GPHN: variants seen among roughly 807,000 people sequenced by gnomAD.
GPHN encodes the protein gephyrin.
A neutral mutation model predicts 95.5 loss-of-function variants in GPHN; 17 were observed. The ratio of observed to expected loss-of-function variants is 0.18; its 90% CI spans 0.12 to 0.27. The LOEUF (loss-of-function observed/expected upper bound fraction) is 0.27. GPHN is among the 10% of genes least tolerant of loss of function. GPHN has a pLI of 1.00. For synonymous variants in GPHN, 320 were observed against 322.5 expected (o/e 0.99, Z 0.08); for missense variants, 660 against 978.1 (o/e 0.67, Z 4.34).
the GPHN span, chr14:67,376,658 T>C: frequency 1.3e-6 from 2 of 1,522,956 alleles, no homozygotes; most frequent in Non-Finnish European, 1.8e-6. Flanking sequence ...TTTAACAGCA[T>C]AGCATCCATG....
chr14:66,548,347 A>T (rs913252184), intron 1 of GPHN, among the ~76,000 whole-genome samples: 1 of 151,840 alleles, frequency 6.6e-6, no homozygotes, highest in Non-Finnish European at 1.5e-5. Flanking sequence ...TGCCTGGCTA[A>T]TTTTTGTATT....
chr14:66,885,991 A>G (rs2064170329), intron 5 of GPHN, among the ~76,000 whole-genome samples: 1 of 152,202 alleles, frequency 6.6e-6, no homozygotes, highest in African/African-American at 2.4e-5. Context: ...TAAATTGACA[A>G]AAATCCATGA....
chr14:66,759,434 C>T (rs1174533348), intron 2 of GPHN, among the ~76,000 whole-genome samples: 1 of 152,162 alleles, frequency 6.6e-6, no homozygotes, highest in Non-Finnish European at 1.5e-5. Context: ...CTAATTGTGT[C>T]CTGTTGCAAA....
At chr14:67,479,713 G>A in the GPHN span, among the ~76,000 whole-genome samples, 19 of 151,890 alleles carry the variant, frequency 1.3e-4, no homozygotes, top group East Asian at 3.9e-4. Context: ...GTGAGACTCC[G>A]TCTCAAAAAA....
rs542604082 is a variant in GPHN at position 66,992,872 on chromosome 14, A to G, written c.963+27547A>G. On this transcript the variant is annotated intron_variant, in intron 9 of 22. Transcript: ENST00000478722. ...AATAATGTTTTATTAAATTATAACC[A>G]TGCTCATTCATTTGCACATAACCTG... Among the ~76,000 whole-genome samples, 4 of 152,302 alleles carry G rather than the reference A, an allele frequency of 2.6e-5. 1 individual carries two copies. The highest frequency in any genetic ancestry group is 9.6e-5 in the African/African-American group (4 of 41,588).
chr14:66,621,583 C>G (rs1428171960), intron 1 of GPHN, among the ~76,000 whole-genome samples: 1 of 149,976 alleles, frequency 6.7e-6, no homozygotes, highest in Non-Finnish European at 1.5e-5. Flanking sequence ...CGCCACCATG[C>G]CCAGCTAATT....
rs78409230 is a variant in GPHN at position 66,994,401 on chromosome 14, C to A, written c.963+29076C>A. Among the ~76,000 whole-genome samples, 1,418 of 151,894 alleles carry A rather than the reference C, an allele frequency of 9.3e-3. 35 individuals are homozygous for A. The highest frequency in any genetic ancestry group is 0.032 in the African/African-American group (1,341 of 41,464). On this transcript the variant is annotated intron_variant, in intron 9 of 22. Transcript: ENST00000478722. ...AAAGAAAAAGAAAAATCTATCTTATCCTGTGCTTTAAACAAAAAAAAAATC... is the reference window on the plus strand; with the variant it reads ...AAAGAAAAAGAAAAATCTATCTTATACTGTGCTTTAAACAAAAAAAAAATC...
chr14:67,690,520 A>G, the GPHN span: 1 of 958,680 alleles, frequency 1.0e-6, no homozygotes, highest in Non-Finnish European at 1.6e-6. Flanking sequence ...ATAATTCAGA[A>G]ATAAGGTCTT....
At chr14:67,221,821 T>TAAGTTAAGA in the GPHN span, 1 of 1,612,506 alleles carries the variant, frequency 6.2e-7, no homozygotes, top group African/African-American at 1.3e-5. Flanking sequence ...TGGAACAAAT[T>TAAGTTAAGA]CCACTACATG....
chr14:66,731,825 G>A (rs897382676), intron 2 of GPHN, among the ~76,000 whole-genome samples: 3 of 152,186 alleles, frequency 2.0e-5, no homozygotes, highest in Non-Finnish European at 4.4e-5. Context: ...GGTTTCGTGG[G>A]CTGGGCCCTG....
chr14:67,568,216 T>C, the GPHN span, among the ~76,000 whole-genome samples: 1 of 152,098 alleles, frequency 6.6e-6, no homozygotes, highest in Non-Finnish European at 1.5e-5. Flanking sequence ...AATGGTAGAC[T>C]GGATAAAGAA....
chr14:67,086,467 C>T (rs1211418220), intron 11 of GPHN, among the ~76,000 whole-genome samples: 13 of 151,370 alleles, frequency 8.6e-5, no homozygotes, highest in South Asian at 8.4e-4. Context: ...CTGGCTAACA[C>T]GGTGAAACCC....
chr14:66,569,690 CA>C (rs1307410874), intron 1 of GPHN, among the ~76,000 whole-genome samples: 1 of 150,116 alleles, frequency 6.7e-6, no homozygotes, highest in Non-Finnish European at 1.5e-5. Context: ...TTTTGTTTGA[CA>C]AAATTGTGTA....
chr14:67,003,718 AGT>A (rs2072405373), intron 9 of GPHN, among the ~76,000 whole-genome samples: 1 of 151,702 alleles, frequency 6.6e-6, no homozygotes, highest in Admixed American at 6.6e-5. Flanking sequence ...AACTTTATAT[AGT>A]GTGATATTAT....
chr14:66,942,377 G>A (rs1370195611), intron 8 of GPHN, among the ~76,000 whole-genome samples: 1 of 152,124 alleles, frequency 6.6e-6, no homozygotes. Flanking sequence ...AGTCCTGTAC[G>A]TTTTTCCTTT....
intron 17 of GPHN, among the ~76,000 whole-genome samples, chr14:67,125,702 G>A (rs2153694183): frequency 6.6e-6 from 1 of 152,142 alleles, no homozygotes; most frequent in Admixed American, 6.5e-5. Context: ...GCTTGAATGT[G>A]GGAGGTGGGG....
At chr14:66,602,526 A>C (rs2140854529) in intron 1 of GPHN, among the ~76,000 whole-genome samples, 1 of 152,110 alleles carries the variant, frequency 6.6e-6, no homozygotes, top group Non-Finnish European at 1.5e-5. Context: ...TATAACTTGA[A>C]ATGTGAATAC....
rs559735537 is a variant in GPHN at position 67,029,234 on chromosome 14, C to A, written c.1006+5559C>A. On this transcript the variant is annotated intron_variant, in intron 10 of 22. Coordinates refer to ENST00000478722, the MANE Select transcript of GPHN (RefSeq NM_020806.5). ...TACAAATACCATGCTGTTTTGCGTA[C>A]TACAGCTTTGTAGCTGCTATTGTTA... Among the ~76,000 whole-genome samples, 3 of 152,150 alleles carry A rather than the reference C, an allele frequency of 2.0e-5. No homozygotes were observed. The East Asian group carries it at 5.8e-4, about 29-fold the overall frequency.
chr14:67,589,500 G>A, the GPHN span: 1 of 984,946 alleles, frequency 1.0e-6, no homozygotes, highest in Non-Finnish European at 1.2e-6. Context: ...CTATGATCTT[G>A]TTTGTCAATA....
Sources: allele counts gnomAD v4.1 joint callset (sites outside exome capture counted in the v4.1 genomes callset), GRCh38; gene constraint gnomAD v4.1.1; transcripts MANE v1.5; gene names NCBI Gene and HGNC (gene_info 2026-07-23, HGNC 2026-07-21).